RNF169: variants seen among roughly 807,000 people sequenced by gnomAD.
The protein encoded by RNF169 is ring finger protein 169.
In RNF169, 24 loss-of-function variants were observed where a neutral mutation model predicts 53.9. The observed-to-expected ratio is 0.45, with a 90% CI of 0.32 to 0.63. The LOEUF (loss-of-function observed/expected upper bound fraction) is 0.63. Among genes scored for constraint, RNF169 ranks in the 20% least tolerant of loss-of-function variants. The pLI is 0.04. For synonymous variants in RNF169, 396 were observed against 363.5 expected, an observed-to-expected ratio of 1.09 and a Z score of -1.02; for missense variants, 883 against 906.2, an observed-to-expected ratio of 0.97 and a Z score of 0.33.
At chr11:74,821,515 G>A (rs1010324802) in intron 4 of RNF169, among the ~76,000 whole-genome samples, 1 of 116,822 alleles carries the variant, frequency 8.6e-6, no homozygotes, top group South Asian at 3.1e-4. Flanking sequence ...AAAATTAGCC[G>A]GGCGTAGTGG....
rs1227352903 is a variant in RNF169, at chr11:74,748,920, G to A, written c.40G>A (p.Ala14Thr). Residue 14 changes from alanine to threonine, a missense_variant, in exon 1 of 6, where the codon GCG becomes ACG. Physicochemically the swap from Ala to Thr is moderately conservative, Grantham distance 58 (BLOSUM62 0). Transcript: ENST00000299563. ...AGPSTRASSA[A>T]AAAALSRRGR... ...TCCGAGTACTCGGGCCTCTTCCGCG[G>A]CGGCAGCAGCCGCTCTGAGTCGGCG... 7 of 1,448,966 alleles carry A rather than the reference G, an allele frequency of 4.8e-6. No individual in the cohort carries two copies. The highest frequency in any genetic ancestry group is 1.4e-5 in the South Asian group (1 of 73,672). 89.8% of individuals were successfully genotyped at this position (1,448,966 alleles called of 1,614,324 possible).
At chr11:74,752,300 C>A (rs568750187) in intron 1 of RNF169, among the ~76,000 whole-genome samples, 4 of 150,428 alleles carry the variant, frequency 2.7e-5, no homozygotes, top group African/African-American at 9.8e-5. Flanking sequence ...TTCTCACTCC[C>A]GTCAAAGATT....
chr11:74,831,732 A>G (rs531242080), intron 4 of RNF169: 3 of 152,176 alleles, frequency 2.0e-5, no homozygotes, highest in South Asian at 4.2e-4. Context: ...AAGACTCACA[A>G]CTCCTGATTT....
intron 1 of RNF169, among the ~76,000 whole-genome samples, chr11:74,775,974 A>G (rs1341174902): frequency 8.5e-5 from 13 of 152,188 alleles, no homozygotes; most frequent in African/African-American, 3.1e-4. Context: ...TTTATATGTC[A>G]TGATTCCTTA....
intron 1 of RNF169, among the ~76,000 whole-genome samples, chr11:74,778,770 A>G (rs998135044): frequency 2.6e-5 from 4 of 152,192 alleles, no homozygotes; most frequent in African/African-American, 9.7e-5. Context: ...CCCATGTTCC[A>G]CTGGACAGGG....
At chr11:74,770,218 GGA>G (rs1364783716) in intron 1 of RNF169, among the ~76,000 whole-genome samples, 1 of 152,236 alleles carries the variant, frequency 6.6e-6, no homozygotes, top group African/African-American at 2.4e-5. Context: ...GGGTACTCTT[GGA>G]GAGCCCATTC....
At chr11:74,777,083 A>G (rs2063084087) in intron 1 of RNF169, among the ~76,000 whole-genome samples, 1 of 152,244 alleles carries the variant, frequency 6.6e-6, no homozygotes, top group Non-Finnish European at 1.5e-5. Context: ...CCAGTTACTT[A>G]TCATTGAATG....
chr11:74,818,138 T>C (rs1296202269), intron 4 of RNF169, among the ~76,000 whole-genome samples: 5 of 152,188 alleles, frequency 3.3e-5, no homozygotes, highest in African/African-American at 1.2e-4. Flanking sequence ...TTTAAGACCT[T>C]TGTCAAGGAA....
At chr11:74,791,375 G>T (rs770625047) in intron 2 of RNF169, among the ~76,000 whole-genome samples, 20 of 149,784 alleles carry the variant, frequency 1.3e-4, no homozygotes, top group Admixed American at 4.0e-4. Context: ...CAGCTTGAAG[G>T]TGGATCTGCC....
chr11:74,810,856 G>T (rs1396454267), intron 3 of RNF169, among the ~76,000 whole-genome samples: 1 of 152,160 alleles, frequency 6.6e-6, no homozygotes, highest in Non-Finnish European at 1.5e-5. Flanking sequence ...TACTAGAAAA[G>T]GTTGCAAGTT....
At chr11:74,823,867 G>T (rs1026391858) in intron 4 of RNF169, among the ~76,000 whole-genome samples, 2 of 151,388 alleles carry the variant, frequency 1.3e-5, no homozygotes, top group African/African-American at 4.9e-5. Flanking sequence ...ACAAAAAATA[G>T]ACTTTATAAA....
intron 1 of RNF169, among the ~76,000 whole-genome samples, chr11:74,766,233 G>A (rs1468585646): frequency 6.6e-6 from 1 of 152,164 alleles, no homozygotes; most frequent in African/African-American, 2.4e-5. Flanking sequence ...AATTAGCAAA[G>A]AGTAAAATCT....
intron 1 of RNF169, among the ~76,000 whole-genome samples, chr11:74,777,155 A>G (rs1174510010): frequency 6.6e-6 from 1 of 152,224 alleles, no homozygotes. Flanking sequence ...GTGTTGAGGT[A>G]AGTGCTACTC....
intron 3 of RNF169, among the ~76,000 whole-genome samples, chr11:74,812,573 G>A (rs895671520): frequency 1.3e-5 from 2 of 151,928 alleles, no homozygotes; most frequent in Non-Finnish European, 2.9e-5. Flanking sequence ...TCCAAAGTGT[G>A]GGATTACAGG....
chr11:74,760,340 T>G (rs1245334158), intron 1 of RNF169, among the ~76,000 whole-genome samples: 1 of 152,166 alleles, frequency 6.6e-6, no homozygotes, highest in Non-Finnish European at 1.5e-5. Flanking sequence ...AGTTATTTCT[T>G]GCCTTCTGCT....
rs763339354 is a variant in RNF169, at chr11:74,748,856, A to C, written c.-25A>C. The C allele has an allele frequency of 7.3e-7, 1 of 1,379,022 alleles. No individual in the cohort carries two copies. Among genetic ancestry groups the C allele is most frequent in the South Asian group, 1.8e-5 (1 of 56,994 alleles). 85.4% of individuals were successfully genotyped at this position (1,379,022 alleles called of 1,614,324 possible). A position where few individuals can be genotyped will look rare whatever the true frequency, so the allele number is the denominator to read the frequency against. ...CCTCCACTCTTCTCCCTCGCAACCG[A>C]CTCTCCCTTCAAACGGGAAACAAGA... On this transcript the variant is annotated 5_prime_UTR_variant, in exon 1 of 6. Coordinates refer to ENST00000299563, the MANE Select transcript of RNF169 (RefSeq NM_001098638.2).
intron 1 of RNF169, among the ~76,000 whole-genome samples, chr11:74,769,115 T>TG (rs1362366514): frequency 2.0e-5 from 3 of 152,128 alleles, no homozygotes; most frequent in Non-Finnish European, 2.9e-5. Flanking sequence ...AGAAGATAGT[T>TG]GCAGTGAAGT....
At chr11:74,763,661 T>C (rs1159582577) in intron 1 of RNF169, among the ~76,000 whole-genome samples, 1 of 149,962 alleles carries the variant, frequency 6.7e-6, no homozygotes, top group Non-Finnish European at 1.5e-5. Context: ...TAAAGCAAAA[T>C]ATGAAAGAAG....
chr11:74,749,591 G>T (rs972181092), intron 1 of RNF169, among the ~76,000 whole-genome samples: 1 of 152,232 alleles, frequency 6.6e-6, no homozygotes, highest in Non-Finnish European at 1.5e-5. Context: ...CGGAGGGGCG[G>T]TGAGGGCACC....
Sources: gnomAD v4.1 joint callset for allele counts (sites outside exome capture counted in the v4.1 genomes callset) on GRCh38, gnomAD v4.1.1 for gene constraint, MANE v1.5 for transcripts, NCBI Gene and HGNC (gene_info 2026-07-23, HGNC 2026-07-21) for gene names.